MAMLD1: variants seen among roughly 807,000 people sequenced by gnomAD.
MAMLD1 encodes the protein mastermind like domain containing 1, also known as mastermind-like domain-containing protein 1.
Under a neutral mutation model 45.0 loss-of-function variants are expected in MAMLD1, and 14 were observed. The observed-to-expected ratio is 0.31, with a 90% CI of 0.21 to 0.49. The LOEUF (loss-of-function observed/expected upper bound fraction) is 0.49. Among genes scored for constraint, MAMLD1 ranks in the 20% least tolerant of loss-of-function variants. The probability of loss-of-function intolerance (pLI) is 0.99; values close to 1 mark genes in which losing one functional copy is unlikely to be tolerated. For synonymous variants in MAMLD1, 254 were observed against 247.8 expected (o/e 1.02, Z -0.24); for missense variants, 543 against 603.6 (o/e 0.90, Z 1.05).
chrX:150,461,446 G>A (rs782292594), intron 2 of MAMLD1, among the ~76,000 whole-genome samples: 1 of 112,464 alleles, frequency 8.9e-6, no homozygotes, highest in Non-Finnish European at 1.9e-5. Context: ...AGGAAAGTCT[G>A]GCTTTTGTAG....
At chrX:150,465,354 A>G (rs1270681940) in intron 3 of MAMLD1, among the ~76,000 whole-genome samples, 1 of 112,400 alleles carries the variant, frequency 8.9e-6, no homozygotes, top group African/African-American at 3.2e-5. Context: ...CATTGTTCAG[A>G]CAGAACCAGA....
intron 1 of MAMLD1, among the ~76,000 whole-genome samples, chrX:150,442,163 A>G (rs2035339069): frequency 9.2e-6 from 1 of 109,001 alleles, no homozygotes; most frequent in African/African-American, 3.3e-5. Flanking sequence ...TTTTACTTTC[A>G]GCCTTTCTAA....
intron 5 of MAMLD1, among the ~76,000 whole-genome samples, chrX:150,501,480 T>G (rs144978259): frequency 6.9e-4 from 78 of 112,301 alleles, no homozygotes; most frequent in Middle Eastern, 4.6e-3. Context: ...TGAGCTCAGC[T>G]CTGTACTCAC....
chrX:150,388,577 CA>C (rs1351996082), intron 1 of MAMLD1, among the ~76,000 whole-genome samples: 1 of 111,934 alleles, frequency 8.9e-6, no homozygotes, highest in Non-Finnish European at 1.9e-5. Flanking sequence ...TTGTGCTGTG[CA>C]AGGAATTGGT....
chrX:150,438,820 ATTTG>A (rs2035204069), intron 1 of MAMLD1, among the ~76,000 whole-genome samples: 1 of 112,417 alleles, frequency 8.9e-6, no homozygotes, highest in Non-Finnish European at 1.9e-5. Flanking sequence ...GTGCAAAAGT[ATTTG>A]TTTGAGTCCT....
Position 150,481,836 on chromosome X carries a change from T to TA in MAMLD1, c.2040+8043dup, listed in dbSNP as rs199580189. Among the ~76,000 whole-genome samples, 334 of 33,776 alleles carry TA rather than the reference T, an allele frequency of 9.9e-3. 6 individuals are homozygous for TA. The highest frequency in any genetic ancestry group is 0.087 in the Admixed American group (280 of 3,224). 29.3% of individuals were successfully genotyped at this position (33,776 alleles called of 115,157 possible). On this transcript the variant is annotated intron_variant, in intron 5 of 7. Coordinates refer to ENST00000370401, the MANE Select transcript of MAMLD1 (RefSeq NM_005491.5). ...CATAGAGAGACCCCATCTCAAAAAA[T>TA]AAAAAAAAAGAAAGAAAGAAAGAGA...
chrX:150,423,722 T>C (rs782454347), intron 1 of MAMLD1, among the ~76,000 whole-genome samples: 4 of 110,953 alleles, frequency 3.6e-5, no homozygotes, highest in Non-Finnish European at 7.6e-5. Flanking sequence ...ACTTTGGTGG[T>C]CGACTATGGA....
intron 1 of MAMLD1, among the ~76,000 whole-genome samples, chrX:150,406,154 A>T (rs2033989707): frequency 9.0e-6 from 1 of 111,397 alleles, no homozygotes; most frequent in African/African-American, 3.3e-5. Flanking sequence ...TCTGGATTGA[A>T]CATGGTGCTT....
intron 5 of MAMLD1, among the ~76,000 whole-genome samples, chrX:150,474,959 A>T (rs2036541534): frequency 9.0e-6 from 1 of 111,541 alleles, no homozygotes; most frequent in Non-Finnish European, 1.9e-5. Context: ...GAAAAAAGCG[A>T]GTGTTTGAGG....
At chrX:150,494,028 C>A (rs2037276104) in intron 5 of MAMLD1, among the ~76,000 whole-genome samples, 2 of 111,438 alleles carry the variant, frequency 1.8e-5, no homozygotes, top group South Asian at 7.5e-4. Context: ...TGTGTATATA[C>A]CTTTTCCCTT....
At chrX:150,489,767 T>C (rs1387119704) in intron 5 of MAMLD1, among the ~76,000 whole-genome samples, 3 of 109,821 alleles carry the variant, frequency 2.7e-5, no homozygotes, top group Non-Finnish European at 5.7e-5. Context: ...CTGCCAAAAG[T>C]CAGGCACCCG....
intron 1 of MAMLD1, among the ~76,000 whole-genome samples, chrX:150,416,761 T>C (rs5924948): frequency 0.26 from 29,354 of 111,613 alleles, 3,083 homozygotes; most frequent in Middle Eastern, 0.36. Flanking sequence ...ATTTGTGAAA[T>C]AATATCTAAA....
intron 1 of MAMLD1, among the ~76,000 whole-genome samples, chrX:150,397,709 A>G (rs2033477447): frequency 9.0e-6 from 1 of 111,025 alleles, no homozygotes; most frequent in Non-Finnish European, 1.9e-5. Flanking sequence ...TCACTTGGAC[A>G]CTCACCAGAC....
intron 1 of MAMLD1, among the ~76,000 whole-genome samples, chrX:150,387,965 C>T (rs1209510971): frequency 9.0e-6 from 1 of 111,501 alleles, no homozygotes; most frequent in African/African-American, 3.3e-5. Context: ...AATTTAAGTT[C>T]ATAAAAGATA....
At chrX:150,413,674 G>A (rs1378776612) in intron 1 of MAMLD1, among the ~76,000 whole-genome samples, 1 of 109,536 alleles carries the variant, frequency 9.1e-6, no homozygotes, top group Non-Finnish European at 1.9e-5. Context: ...GAAGGGGTGG[G>A]AGGAGCTACA....
chrX:150,470,814 C>G lies in MAMLD1; in HGVS notation c.1241C>G (p.Ala414Gly). ...PYAPEKLPSP[A>G]LTQQPQFGPQ... The stretch of plus-strand genomic sequence containing the variant: ...GCTCCTGAGAAGCTCCCCAGCCCTG[C>G]TCTCACTCAACAGCCGCAGTTCGGC... The change falls in exon 4 of 8, where the codon GCT becomes GGT. Residue 414 changes from alanine to glycine, a missense_variant. Coordinates refer to ENST00000370401, the MANE Select transcript of MAMLD1 (RefSeq NM_005491.5). 1 of 1,212,224 alleles carries G rather than the reference C, an allele frequency of 8.2e-7. No individual in the cohort carries two copies. Among genetic ancestry groups the G allele is most frequent in the Non-Finnish European group, 1.1e-6 (1 of 895,668 alleles).
At chrX:150,368,315 G>A (rs1307094233) in intron 1 of MAMLD1, among the ~76,000 whole-genome samples, 1 of 111,387 alleles carries the variant, frequency 9.0e-6, no homozygotes, top group Admixed American at 9.6e-5. Context: ...GGCCAGTGAT[G>A]ATGAGCATTT....
intron 1 of MAMLD1, among the ~76,000 whole-genome samples, chrX:150,385,495 T>C (rs1222036908): frequency 4.5e-5 from 5 of 112,249 alleles, no homozygotes; most frequent in African/African-American, 1.6e-4. Context: ...TACTGTGTTC[T>C]TACAATTAAG....
At chrX:150,487,454 A>C (rs2037028466) in intron 5 of MAMLD1, among the ~76,000 whole-genome samples, 1 of 112,262 alleles carries the variant, frequency 8.9e-6, no homozygotes, top group African/African-American at 3.2e-5. Context: ...CCCCAACCCC[A>C]TCTACTACAG....
Sources: gnomAD v4.1 joint callset for allele counts (sites outside exome capture counted in the v4.1 genomes callset) on GRCh38, gnomAD v4.1.1 for gene constraint, MANE v1.5 for transcripts, NCBI Gene and HGNC (gene_info 2026-07-23, HGNC 2026-07-21) for gene names.